Variants in BTRC observed in about 807,000 individuals in gnomAD.
BTRC encodes F-box/WD repeat-containing protein 1A.
BTRC carries 42 observed loss-of-function variants against 85.5 expected under a neutral mutation model. The observed-to-expected ratio is 0.49, with a 90% CI of 0.38 to 0.64. BTRC has a LOEUF of 0.64. BTRC is among the 30% of genes least tolerant of loss of function. The pLI is 0.00. For missense variants in BTRC, 594 were observed against 743.5 expected (o/e 0.80, Z 2.34); for synonymous variants, 255 against 263.3 (o/e 0.97, Z 0.30).
intron 2 of BTRC, among the ~76,000 whole-genome samples, chr10:101,436,838 A>T (rs1231473959): frequency 6.6e-6 from 1 of 152,236 alleles, no homozygotes; most frequent in Non-Finnish European, 1.5e-5. Context: ...AAGAATGCTT[A>T]CAAGTCTACT....
At chr10:101,445,596 G>A (rs932192478) in intron 2 of BTRC, among the ~76,000 whole-genome samples, 6 of 152,064 alleles carry the variant, frequency 3.9e-5, no homozygotes, top group South Asian at 2.1e-4. Flanking sequence ...GACTATTATC[G>A]GTCTGTCTAT....
At chr10:101,355,824 TAAAATTCAGGGGTATCA>T (rs1942018620) in intron 1 of BTRC, among the ~76,000 whole-genome samples, 1 of 152,210 alleles carries the variant, frequency 6.6e-6, no homozygotes, top group Non-Finnish European at 1.5e-5. Flanking sequence ...AACACCTAAT[TAAAATTCAGGGGTATCA>T]TTAACAAAAT....
intron 2 of BTRC, among the ~76,000 whole-genome samples, chr10:101,449,622 T>A (rs1384055938): frequency 6.6e-6 from 1 of 152,118 alleles, no homozygotes; most frequent in Non-Finnish European, 1.5e-5. Context: ...TTTAAAAGAT[T>A]CCTATAGATT....
intron 4 of BTRC, among the ~76,000 whole-genome samples, chr10:101,505,128 T>TAC (rs1430471907): frequency 9.7e-4 from 2 of 2,056 alleles, no homozygotes; most frequent in Non-Finnish European, 4.9e-3. Flanking sequence ...TATATATATG[T>TAC]GTATATATAT....
At chr10:101,374,126 A>G (rs1407445568) in intron 1 of BTRC, among the ~76,000 whole-genome samples, 2 of 152,160 alleles carry the variant, frequency 1.3e-5, no homozygotes, top group Non-Finnish European at 2.9e-5. Flanking sequence ...TAGATCCCGG[A>G]GGAATCGCCA....
At chr10:101,431,109 C>T (rs891949600) in intron 2 of BTRC, among the ~76,000 whole-genome samples, 1 of 114,596 alleles carries the variant, frequency 8.7e-6, no homozygotes, top group Non-Finnish European at 1.7e-5. Flanking sequence ...CGGAGTCTTG[C>T]TTCATGGCGC....
intron 1 of BTRC, among the ~76,000 whole-genome samples, chr10:101,383,383 T>G (rs1942986773): frequency 1.4e-5 from 2 of 142,752 alleles, no homozygotes; most frequent in East Asian, 4.0e-4. Context: ...GTGGCTTCTA[T>G]AAGTCTTCCT....
At chr10:101,486,011 G>A (rs1014539916) in intron 4 of BTRC, among the ~76,000 whole-genome samples, 1 of 152,164 alleles carries the variant, frequency 6.6e-6, no homozygotes, top group African/African-American at 2.4e-5. Flanking sequence ...CAAACAGTGC[G>A]ATCTGCGGGG....
In BTRC at chr10:101,360,998, G is replaced by C. The variant is rs184103393; in HGVS notation, c.48+6770G>C. Among the ~76,000 whole-genome samples the C allele has an allele frequency of 6.2e-4, 95 of 152,076 alleles. 1 individual carries two copies. The highest frequency in any genetic ancestry group is 5.6e-4 in the Non-Finnish European group (38 of 67,980). ...ATTTTTATTTTTTTGTAGAGATGGGGTCTTGCTGTGTTGCCCAGGCTGGTC... is the reference window on the plus strand; with the variant it reads ...ATTTTTATTTTTTTGTAGAGATGGGCTCTTGCTGTGTTGCCCAGGCTGGTC... On this transcript the variant is annotated intron_variant, in intron 1 of 14. Transcript: ENST00000370187.
At chr10:101,471,470 C>T (rs993686125) in intron 3 of BTRC, among the ~76,000 whole-genome samples, 2 of 152,216 alleles carry the variant, frequency 1.3e-5, no homozygotes, top group Admixed American at 6.5e-5. Flanking sequence ...TCTGTTAATA[C>T]GACAAATTAC....
chr10:101,354,496 G>C (rs1235302553), intron 1 of BTRC: 1 of 491,880 alleles, frequency 2.0e-6, no homozygotes, highest in Admixed American at 4.2e-5. Flanking sequence ...TCCAGGCGGC[G>C]CGCGGGGCCC....
At chr10:101,518,677 T>C (rs9420853) in intron 4 of BTRC, among the ~76,000 whole-genome samples, 56,246 of 151,920 alleles carry the variant, frequency 0.37, 11,593 homozygotes, top group Middle Eastern at 0.49. Context: ...GCTCACTCTG[T>C]TCCAGCCACA....
chr10:101,500,963 G>A (rs1014705462), intron 4 of BTRC, among the ~76,000 whole-genome samples: 1 of 152,174 alleles, frequency 6.6e-6, no homozygotes, highest in Non-Finnish European at 1.5e-5. Flanking sequence ...GGAGGCCAAG[G>A]CAGGTGGATC....
chr10:101,554,066 G>T lies in BTRC; in HGVS notation c.*943G>T, dbSNP rs1049738190. On this transcript the variant is annotated 3_prime_UTR_variant, in exon 15 of 15. Transcript: ENST00000370187. ...GATTGGTGGTAGGGGGCAGGCAGAGGGGGTGGGGAGAAGTTTCCTGGGCTC... is the reference window on the plus strand; with the variant it reads ...GATTGGTGGTAGGGGGCAGGCAGAGTGGGTGGGGAGAAGTTTCCTGGGCTC... 6.6e-6 allele frequency: 1 copy of T among 152,328 alleles called. No homozygotes were observed. The highest frequency in any genetic ancestry group is 2.4e-5 in the African/African-American group (1 of 41,544). 9.4% of individuals were successfully genotyped at this position (152,328 alleles called of 1,614,324 possible).
chr10:101,404,023 TATA>T (rs1470086479), intron 1 of BTRC, among the ~76,000 whole-genome samples: 15 of 31,494 alleles, frequency 4.8e-4, no homozygotes, highest in South Asian at 1.4e-3. Flanking sequence ...TATATATATA[TATA>T]TATATTTTTT....
chr10:101,357,879 G>A (rs1040122198), intron 1 of BTRC, among the ~76,000 whole-genome samples: 13 of 152,154 alleles, frequency 8.5e-5, no homozygotes, highest in Admixed American at 7.2e-4. Context: ...TGAAAGCAAC[G>A]GTTTACATTA....
chr10:101,404,561 G>A (rs1943572905), intron 1 of BTRC, among the ~76,000 whole-genome samples: 1 of 152,202 alleles, frequency 6.6e-6, no homozygotes, highest in Non-Finnish European at 1.5e-5. Context: ...CAGTCTACAA[G>A]TTGAGATTTC....
At chr10:101,377,520 C>G (rs1196985463) in intron 1 of BTRC, among the ~76,000 whole-genome samples, 1 of 152,162 alleles carries the variant, frequency 6.6e-6, no homozygotes, top group Non-Finnish European at 1.5e-5. Context: ...TCTAGTTGAT[C>G]TACATCCGTG....
At chr10:101,513,832 A>G (rs777594979) in intron 4 of BTRC, among the ~76,000 whole-genome samples, 1 of 152,230 alleles carries the variant, frequency 6.6e-6, no homozygotes, top group Non-Finnish European at 1.5e-5. Context: ...TATATGTTTA[A>G]CTTTACAAAA....
Sources: gnomAD v4.1 joint callset for allele counts (sites outside exome capture counted in the v4.1 genomes callset) on GRCh38, gnomAD v4.1.1 for gene constraint, MANE v1.5 for transcripts, NCBI Gene and HGNC (gene_info 2026-07-23, HGNC 2026-07-21) for gene names.